ASAP2: variants seen among roughly 807,000 people sequenced by gnomAD.
ASAP2 encodes the protein arf-GAP with SH3 domain, ANK repeat and PH domain-containing protein 2.
A neutral mutation model predicts 131.4 loss-of-function variants in ASAP2; 45 were observed. The observed-to-expected ratio is 0.34, with a 90% CI of 0.27 to 0.44. The LOEUF is 0.44. Among genes scored for constraint, ASAP2 ranks in the 20% least tolerant of loss-of-function variants. The pLI is 1.00. For synonymous variants in ASAP2, 510 were observed against 503.0 expected (o/e 1.01, Z -0.19); for missense variants, 1,011 against 1,297.0 (o/e 0.78, Z 3.39).
At chr2:9,361,266 T>G (rs1383349120) in intron 15 of ASAP2, among the ~76,000 whole-genome samples, 1 of 152,224 alleles carries the variant, frequency 6.6e-6, no homozygotes, top group Non-Finnish European at 1.5e-5. Flanking sequence ...TCAGGAAAAG[T>G]AGAGACAGCA....
At chr2:9,313,587 A>G (rs6755161) in intron 3 of ASAP2, among the ~76,000 whole-genome samples, 4,090 of 152,234 alleles carry the variant, frequency 0.027, 128 homozygotes, top group African/African-American at 0.083. Context: ...AGCGACTCTA[A>G]TCCTCCCTGT....
chr2:9,217,178 T>G lies in ASAP2; in HGVS notation c.126+9948T>G, dbSNP rs948410340. On this transcript the variant is annotated intron_variant, in intron 1 of 27. Transcript: ENST00000281419. The surrounding 1 kb of genome is among the most constrained non-coding windows in gnomAD (Gnocchi z 4.0). Reference sequence around the variant, plus strand: ...AAGGCCCTTGGTGTTGCAGCCTCTGTGGCCAGCATGCCCTCCCTTGCTGTT... The same window carrying G: ...AAGGCCCTTGGTGTTGCAGCCTCTGGGGCCAGCATGCCCTCCCTTGCTGTT... 6.6e-6 allele frequency among the ~76,000 whole-genome samples: 1 copy of G among 152,196 alleles called. No individual in the cohort carries two copies. The highest frequency in any genetic ancestry group is 6.5e-5 in the Admixed American group (1 of 15,274).
chr2:9,384,502 C>T (rs1294802096), intron 20 of ASAP2, among the ~76,000 whole-genome samples: 1 of 152,246 alleles, frequency 6.6e-6, no homozygotes, highest in East Asian at 1.9e-4. Flanking sequence ...ACCCCAGACA[C>T]CAGTCACAAA....
chr2:9,326,063 G>A (rs1189472330), intron 6 of ASAP2, among the ~76,000 whole-genome samples: 1 of 152,184 alleles, frequency 6.6e-6, no homozygotes, highest in Non-Finnish European at 1.5e-5. Context: ...CAACTCTGAA[G>A]TGAATTAGAT....
At chr2:9,231,237 T>C (rs1027469423) in intron 1 of ASAP2, among the ~76,000 whole-genome samples, 3 of 152,180 alleles carry the variant, frequency 2.0e-5, no homozygotes, top group African/African-American at 7.2e-5. Context: ...GCCAGGACCT[T>C]GTCACCTCCA....
intron 2 of ASAP2, among the ~76,000 whole-genome samples, chr2:9,289,952 G>T (rs1276239313): frequency 2.7e-5 from 4 of 150,630 alleles, no homozygotes; most frequent in Non-Finnish European, 5.9e-5. Context: ...ACAAGCCCGG[G>T]GTGTTGGAGA....
intron 14 of ASAP2, among the ~76,000 whole-genome samples, chr2:9,357,659 G>A (rs549568209): frequency 3.1e-4 from 47 of 152,282 alleles, no homozygotes; most frequent in African/African-American, 8.7e-4. Flanking sequence ...CCAAGACAGT[G>A]TGGGTAATAT....
At chr2:9,349,136 G>A (rs776727011) in intron 11 of ASAP2, among the ~76,000 whole-genome samples, 26 of 152,208 alleles carry the variant, frequency 1.7e-4, no homozygotes, top group Non-Finnish European at 3.5e-4. Flanking sequence ...AACAGTGCCT[G>A]CCTTGTATAG....
At chr2:9,329,231 G>A (rs910493714) in intron 7 of ASAP2, among the ~76,000 whole-genome samples, 1 of 152,224 alleles carries the variant, frequency 6.6e-6, no homozygotes, top group Admixed American at 6.5e-5. Flanking sequence ...AAACTGCATG[G>A]AAAAGCCTTA....
At chr2:9,315,986 A>G (rs1286523712) in intron 3 of ASAP2, among the ~76,000 whole-genome samples, 1 of 152,172 alleles carries the variant, frequency 6.6e-6, no homozygotes, top group East Asian at 1.9e-4. Context: ...ACGTTATTAT[A>G]CACCTTACCA....
chr2:9,346,045 A>G (rs966444409), intron 11 of ASAP2, among the ~76,000 whole-genome samples: 5 of 151,846 alleles, frequency 3.3e-5, no homozygotes, highest in Non-Finnish European at 7.4e-5. Flanking sequence ...GTCATTTTCT[A>G]TTTTCAAAAC....
At chr2:9,338,341 G>GTCTCTC (rs1385560448) in intron 9 of ASAP2, among the ~76,000 whole-genome samples, 4 of 149,596 alleles carry the variant, frequency 2.7e-5, no homozygotes, top group African/African-American at 1.0e-4. Flanking sequence ...CTCTCTGTCT[G>GTCTCTC]TCTCTATCTC....
intron 2 of ASAP2, among the ~76,000 whole-genome samples, chr2:9,285,434 A>G (rs889573525): frequency 1.2e-4 from 19 of 152,184 alleles, no homozygotes; most frequent in African/African-American, 4.6e-4. Flanking sequence ...TTCTTCCACA[A>G]TAGTCAGTGC....
intron 9 of ASAP2, among the ~76,000 whole-genome samples, chr2:9,340,540 TTC>T (rs1433086969): frequency 6.6e-6 from 1 of 152,218 alleles, no homozygotes; most frequent in Non-Finnish European, 1.5e-5. Context: ...TCAGCAAGGC[TTC>T]CAGCTCCCAG....
chr2:9,374,880 G>T lies in ASAP2; in HGVS notation c.1682G>T (p.Gly561Val), dbSNP rs780076385. 1 of 1,613,976 alleles carries T rather than the reference G, an allele frequency of 6.2e-7. No homozygotes were observed. Among genetic ancestry groups the T allele is most frequent in the South Asian group, 1.1e-5 (1 of 91,074 alleles). ...CEAVKTRDIFGLLQAYADGVD... is the reference protein window; with the variant it reads ...CEAVKTRDIFVLLQAYADGVD... ...GCCGTCAAAACGAGAGATATTTTTG[G>T]ATTGCTCCAAGCTTATGCTGATGGT... Residue 561 changes from glycine to valine, a missense_variant, in exon 17 of 28, where the codon GGA becomes GTA. Gly to Val is a moderately radical substitution (Grantham distance 109). Coordinates refer to ENST00000281419, the MANE Select transcript of ASAP2 (RefSeq NM_003887.3).
intron 1 of ASAP2, among the ~76,000 whole-genome samples, chr2:9,252,718 A>G (rs575126046): frequency 2.6e-4 from 40 of 152,128 alleles, no homozygotes; most frequent in Non-Finnish European, 5.0e-4. Context: ...GATCGAGACC[A>G]TCCTGGCTAA....
At chr2:9,251,955 A>G (rs554792378) in intron 1 of ASAP2, among the ~76,000 whole-genome samples, 11 of 149,770 alleles carry the variant, frequency 7.3e-5, no homozygotes, top group African/African-American at 2.7e-4. Context: ...TTTTTTAATT[A>G]TCATCTGTAG....
intron 1 of ASAP2, among the ~76,000 whole-genome samples, chr2:9,215,881 G>A (rs916644651): frequency 3.3e-5 from 5 of 152,266 alleles, no homozygotes; most frequent in African/African-American, 4.8e-5. Context: ...TTTTACATCC[G>A]TGGGGTGCCC....
chr2:9,276,455 G>T lies in ASAP2; in HGVS notation c.127-2862G>T, dbSNP rs559585210. On this transcript the variant is annotated intron_variant, in intron 1 of 27. Coordinates refer to ENST00000281419, the MANE Select transcript of ASAP2 (RefSeq NM_003887.3). ...GATCAGATTTTTAAAGCTTGCTAAAGATGTTATTCTGAGAACACCAGGAAG... is the reference window on the plus strand; with the variant it reads ...GATCAGATTTTTAAAGCTTGCTAAATATGTTATTCTGAGAACACCAGGAAG... 2.0e-5 allele frequency among the ~76,000 whole-genome samples: 3 copies of T among 152,292 alleles called. No homozygotes were observed. In the East Asian group the frequency reaches 5.8e-4, roughly 29 times the overall value.
Sources: allele counts gnomAD v4.1 joint callset (sites outside exome capture counted in the v4.1 genomes callset), GRCh38; gene constraint gnomAD v4.1.1; non-coding constraint Gnocchi (gnomAD v3.1); transcripts MANE v1.5; gene names NCBI Gene and HGNC (gene_info 2026-07-23, HGNC 2026-07-21).